PLEKHG7: variants seen among roughly 807,000 people sequenced by gnomAD.
PLEKHG7 encodes the protein pleckstrin homology domain-containing family G member 7.
Under a neutral mutation model 85.2 loss-of-function variants are expected in PLEKHG7, and 77 were observed. That is an observed-to-expected ratio of 0.90 (90% CI 0.75 to 1.09). PLEKHG7 has a LOEUF of 1.09. PLEKHG7 is among the 50% of genes least tolerant of loss of function. The pLI is 0.00. For missense variants in PLEKHG7, 777 were observed against 804.3 expected, an observed-to-expected ratio of 0.97 and a Z score of 0.41; for synonymous variants, 301 against 302.4, an observed-to-expected ratio of 1.00 and a Z score of 0.05.
In PLEKHG7 at chr12:92,732,243, GC is replaced by G. The variant is rs1055866657; in HGVS notation, c.671del (p.Pro224GlnfsTer28). On this transcript the variant is annotated frameshift_variant, in exon 5 of 17. Coordinates refer to ENST00000344636, the MANE Select transcript of PLEKHG7 (RefSeq NM_001377329.1). LOFTEE classifies it high-confidence loss of function. Reference protein sequence around the residue: ...LLLLNSESKKPRWPFSKRGVG... With the variant: ...LLLLNSESKKXRWPFSKRGVG... ...TTTAATTTCACCCAGAATCCAAAAA[GC>G]CAAGATGGCCTTTCTCCAAAAGAGG... 3.2e-5 allele frequency: 40 copies of G among 1,231,224 alleles called. No homozygotes were observed. The highest frequency in any genetic ancestry group is 4.0e-5 in the Non-Finnish European group (39 of 987,334). The allele number at this position is 1,231,224 out of a possible 1,614,324, so 76.3% of individuals were successfully genotyped here. A position where few individuals can be genotyped will look rare whatever the true frequency, so the allele number is the denominator to read the frequency against.
intron 1 of PLEKHG7, 25 bp downstream of exon 1, chr12:92,703,157 T>C (rs1391474709): frequency 2.0e-5 from 3 of 152,328 alleles, no homozygotes; most frequent in Admixed American, 6.5e-5. Flanking sequence ...ATTCAGCTGC[T>C]TTCTGGGTTT....
intron 6 of PLEKHG7, among the ~76,000 whole-genome samples, chr12:92,736,948 C>A (rs1482725602): frequency 6.6e-6 from 1 of 152,160 alleles, no homozygotes; most frequent in Non-Finnish European, 1.5e-5. Flanking sequence ...AAAGCTCTCA[C>A]TTCATGCTTC....
chr12:92,748,566 C>G (rs150237649), intron 10 of PLEKHG7, among the ~76,000 whole-genome samples: 1 of 152,072 alleles, frequency 6.6e-6, no homozygotes, highest in Non-Finnish European at 1.5e-5. Flanking sequence ...GCTTTTATAA[C>G]GCATAATACT....
chr12:92,753,994 C>T (rs1872757214), intron 10 of PLEKHG7, 96 bp from the exon 11 acceptor site: 2 of 1,269,360 alleles, frequency 1.6e-6, no homozygotes, highest in East Asian at 2.3e-5. Context: ...CCTGCAGTTA[C>T]TGAGTAAAAT....
At chr12:92,748,324 G>T (rs1417769072) in intron 10 of PLEKHG7, among the ~76,000 whole-genome samples, 1 of 150,208 alleles carries the variant, frequency 6.7e-6, no homozygotes, top group Non-Finnish European at 1.5e-5. Context: ...TCAGCTCGCT[G>T]CAACCTCCGT....
intron 13 of PLEKHG7, among the ~76,000 whole-genome samples, chr12:92,761,223 G>T (rs994170715): frequency 3.3e-5 from 5 of 152,216 alleles, no homozygotes; most frequent in Non-Finnish European, 4.4e-5. Flanking sequence ...CCTTTTCTCT[G>T]GTTATGTGTG....
chr12:92,751,928 G>A (rs1872702147), intron 10 of PLEKHG7, among the ~76,000 whole-genome samples: 1 of 151,814 alleles, frequency 6.6e-6, no homozygotes, highest in Non-Finnish European at 1.5e-5. Flanking sequence ...GAGGTGGGAG[G>A]ACTGCTTGAG....
At chr12:92,715,018 GGATA>G (rs10563574) in intron 3 of PLEKHG7, among the ~76,000 whole-genome samples, 46,806 of 147,328 alleles carry the variant, frequency 0.32, 7,304 homozygotes, top group Middle Eastern at 0.37. Context: ...AGAACTAATG[GGATA>G]GATAGATAGA....
In PLEKHG7 at chr12:92,770,451, G is replaced by GT; in HGVS notation, c.*257dup. 2.7e-6 allele frequency: 1 copy of GT among 371,596 alleles called. No individual in the cohort carries two copies. The highest frequency in any genetic ancestry group is 4.8e-6 in the Non-Finnish European group (1 of 208,256). 23.0% of individuals were successfully genotyped at this position (371,596 alleles called of 1,614,324 possible). On this transcript the variant is annotated 3_prime_UTR_variant, in exon 17 of 17. Coordinates refer to ENST00000344636, the MANE Select transcript of PLEKHG7 (RefSeq NM_001377329.1). ...ACCTTCTAATGCTTCCGTCAGGTTTGTAAGAGGTGTGAGTGAAGAAAGGTG... is the reference window on the plus strand; with the variant it reads ...ACCTTCTAATGCTTCCGTCAGGTTTGTTAAGAGGTGTGAGTGAAGAAAGGTG...
intron 1 of PLEKHG7, among the ~76,000 whole-genome samples, chr12:92,704,155 G>T (rs1450174191): frequency 6.6e-6 from 1 of 152,076 alleles, no homozygotes; most frequent in Admixed American, 6.6e-5. Context: ...CAACTACTCA[G>T]GAGCACTGCA....
At chr12:92,742,412 G>C (rs1872385284) in intron 9 of PLEKHG7, among the ~76,000 whole-genome samples, 1 of 152,160 alleles carries the variant, frequency 6.6e-6, no homozygotes, top group South Asian at 2.1e-4. Flanking sequence ...AACCTTGTAA[G>C]TTGGGATGCA....
chr12:92,761,712 A>G (rs1873039057), intron 13 of PLEKHG7, 40 bp from the exon 14 acceptor site: 1 of 1,520,038 alleles, frequency 6.6e-7, no homozygotes, highest in Admixed American at 2.5e-5. Context: ...TCTACTTAAC[A>G]GTTTCAGGTC....
At chr12:92,756,666 A>T (rs118042230) in intron 13 of PLEKHG7, among the ~76,000 whole-genome samples, 145 of 152,340 alleles carry the variant, frequency 9.5e-4, no homozygotes, top group Non-Finnish European at 1.9e-3. Context: ...AACTTCGCTC[A>T]CGGTCTGGAA....
intron 9 of PLEKHG7, among the ~76,000 whole-genome samples, chr12:92,743,096 C>T (rs1872416481): frequency 6.6e-6 from 1 of 152,156 alleles, no homozygotes; most frequent in Non-Finnish European, 1.5e-5. Flanking sequence ...GCCACGGTAG[C>T]AAATGACCTC....
chr12:92,724,857 C>T (rs1257784163), intron 3 of PLEKHG7, among the ~76,000 whole-genome samples: 1 of 152,098 alleles, frequency 6.6e-6, no homozygotes. Flanking sequence ...GACCTCAGCA[C>T]ATACCATCCC....
chr12:92,709,374 C>T (rs1035394205), intron 3 of PLEKHG7, among the ~76,000 whole-genome samples: 1 of 152,356 alleles, frequency 6.6e-6, no homozygotes, highest in Middle Eastern at 3.4e-3. Flanking sequence ...GGTGTCCATT[C>T]ACTGACCTAG....
chr12:92,770,875 G>A lies in PLEKHG7; in HGVS notation c.*680G>A, dbSNP rs1375971811. The A allele has an allele frequency of 6.6e-6, 1 of 151,994 alleles. No individual in the cohort carries two copies. Among genetic ancestry groups the A allele is most frequent in the Non-Finnish European group, 1.5e-5 (1 of 67,954 alleles). 9.4% of individuals were successfully genotyped at this position (151,994 alleles called of 1,614,324 possible). On this transcript the variant is annotated 3_prime_UTR_variant, in exon 17 of 17. Transcript: ENST00000344636. ...TTTCACCAGTTAACACTTTTGCATGGCTTTTCTTGGCCTGTTGTGAAGTGT... is the reference window on the plus strand; with the variant it reads ...TTTCACCAGTTAACACTTTTGCATGACTTTTCTTGGCCTGTTGTGAAGTGT...
At chr12:92,752,388 T>C (rs1368444427) in intron 10 of PLEKHG7, among the ~76,000 whole-genome samples, 1 of 152,148 alleles carries the variant, frequency 6.6e-6, no homozygotes, top group Non-Finnish European at 1.5e-5. Flanking sequence ...AGAAACAGTA[T>C]ACATGGAAAC....
intron 3 of PLEKHG7, among the ~76,000 whole-genome samples, chr12:92,723,600 A>C (rs1871706151): frequency 1.3e-5 from 2 of 152,184 alleles, no homozygotes; most frequent in South Asian, 4.1e-4. Flanking sequence ...CTTTATATTG[A>C]TTAATTTAGC....
Sources: gnomAD v4.1 joint callset for allele counts (sites outside exome capture counted in the v4.1 genomes callset) on GRCh38, gnomAD v4.1.1 for gene constraint, MANE v1.5 for transcripts, NCBI Gene and HGNC (gene_info 2026-07-23, HGNC 2026-07-21) for gene names.